The following ZCCHC17 variants were observed in gnomAD, a reference collection of about 807,000 sequenced individuals.
The protein encoded by ZCCHC17 is zinc finger CCHC domain-containing protein 17.
ZCCHC17 carries 18 observed loss-of-function variants against 30.6 expected under a neutral mutation model. The ratio of observed to expected loss-of-function variants is 0.59; its 90% CI spans 0.41 to 0.87. The LOEUF (loss-of-function observed/expected upper bound fraction) is 0.87, where lower values mean the gene tolerates loss of function less well. Ranked by LOEUF, ZCCHC17 falls within the 40% of genes least tolerant of loss-of-function variation. The pLI, the probability that ZCCHC17 is intolerant of heterozygous loss-of-function variation, is 0.00. For synonymous variants in ZCCHC17, 88 were observed against 92.4 expected (o/e 0.95, Z 0.27); for missense variants, 263 against 284.2 (o/e 0.93, Z 0.54).
intron 2 of ZCCHC17, among the ~76,000 whole-genome samples, chr1:31,311,751 C>T (rs140849723): frequency 0.013 from 2,043 of 152,298 alleles, 45 homozygotes; most frequent in African/African-American, 0.046. Context: ...CTCTTGATAC[C>T]ATTGAATTGG....
intron 7 of ZCCHC17, among the ~76,000 whole-genome samples, chr1:31,362,000 CAG>C (rs980865216): frequency 2.1e-4 from 32 of 152,040 alleles, no homozygotes; most frequent in African/African-American, 7.7e-4. Flanking sequence ...TTAGTAGAGA[CAG>C]GGTTTCACCA....
Position 31,340,478 on chromosome 1 carries a change from C to T in ZCCHC17, c.317+1430C>T, listed in dbSNP as rs1020545742. ...GATTACAGGCATGTGCCACCATGCC[C>T]GGCTAATTTTGTATTTTTAGTAGAG... On this transcript the variant is annotated intron_variant, in intron 5 of 7. Coordinates refer to ENST00000344147, the MANE Select transcript of ZCCHC17 (RefSeq NM_016505.4). 2.4e-4 allele frequency among the ~76,000 whole-genome samples: 36 copies of T among 152,044 alleles called. 1 individual carries two copies. The highest frequency in any genetic ancestry group is 6.5e-4 in the African/African-American group (27 of 41,396).
At chr1:31,318,738 T>C (rs2148426935) in intron 2 of ZCCHC17, among the ~76,000 whole-genome samples, 1 of 152,326 alleles carries the variant, frequency 6.6e-6, no homozygotes, top group African/African-American at 2.4e-5. Context: ...AAAATATAAC[T>C]TTATTACCTG....
intron 1 of ZCCHC17, among the ~76,000 whole-genome samples, chr1:31,307,047 G>A (rs531981821): frequency 2.0e-4 from 30 of 151,904 alleles, no homozygotes; most frequent in African/African-American, 6.0e-4. Flanking sequence ...TATGTTGGCC[G>A]GGATGGTCTC....
chr1:31,336,204 C>A (rs1638812476), intron 3 of ZCCHC17, among the ~76,000 whole-genome samples: 1 of 152,086 alleles, frequency 6.6e-6, no homozygotes, highest in African/African-American at 2.4e-5. Context: ...TCTTGAGTAG[C>A]TGGGATCACA....
chr1:31,354,440 A>G (rs1437778123), intron 7 of ZCCHC17, among the ~76,000 whole-genome samples: 6 of 151,914 alleles, frequency 3.9e-5, no homozygotes. Context: ...GTCTTGCTGT[A>G]TCACCCAGGC....
intron 4 of ZCCHC17, among the ~76,000 whole-genome samples, chr1:31,338,308 T>C (rs1386237723): frequency 2.0e-5 from 3 of 151,978 alleles, no homozygotes. Context: ...ATAAAATAAT[T>C]GCAAGTTATA....
intron 2 of ZCCHC17, among the ~76,000 whole-genome samples, chr1:31,315,253 A>C (rs1038367909): frequency 2.6e-5 from 4 of 152,134 alleles, no homozygotes; most frequent in Admixed American, 2.0e-4. Context: ...TATCTTGTAC[A>C]TAGTAGATAG....
intron 3 of ZCCHC17, among the ~76,000 whole-genome samples, chr1:31,331,957 G>A (rs1638611408): frequency 6.6e-6 from 1 of 151,974 alleles, no homozygotes; most frequent in African/African-American, 2.4e-5. Flanking sequence ...AACCTTCATG[G>A]ACAAAAAAAG....
chr1:31,359,616 G>GC (rs367997560), intron 7 of ZCCHC17, among the ~76,000 whole-genome samples: 1 of 151,984 alleles, frequency 6.6e-6, no homozygotes, highest in Non-Finnish European at 1.5e-5. Context: ...TTTTATTTTT[G>GC]TTTTTCTGTC....
intron 2 of ZCCHC17, chr1:31,318,314 G>A (rs2148426399): frequency 5.7e-6 from 7 of 1,226,934 alleles, no homozygotes; most frequent in South Asian, 1.4e-5. Flanking sequence ...CATTACCCTC[G>A]ATCCACAGGT....
chr1:31,338,611 A>G (rs1638913592), intron 4 of ZCCHC17, among the ~76,000 whole-genome samples: 1 of 152,214 alleles, frequency 6.6e-6, no homozygotes, highest in Non-Finnish European at 1.5e-5. Flanking sequence ...AAGTATTCAA[A>G]AACCTATTCT....
At chr1:31,328,051 A>G (rs1479789139) in intron 3 of ZCCHC17, among the ~76,000 whole-genome samples, 1 of 152,196 alleles carries the variant, frequency 6.6e-6, no homozygotes, top group Non-Finnish European at 1.5e-5. Flanking sequence ...GCTAAGATCT[A>G]CCCTAAGAAT....
chr1:31,348,430 G>A (rs1034016566), intron 6 of ZCCHC17, among the ~76,000 whole-genome samples: 3 of 152,082 alleles, frequency 2.0e-5, no homozygotes, highest in Non-Finnish European at 4.4e-5. Context: ...ATTCCTTTAG[G>A]GCTTGGCCTG....
chr1:31,316,335 C>A (rs1281360569), intron 2 of ZCCHC17, among the ~76,000 whole-genome samples: 1 of 152,146 alleles, frequency 6.6e-6, no homozygotes, highest in Non-Finnish European at 1.5e-5. Context: ...CTCCTGGCCT[C>A]AAGTGATCCA....
At chr1:31,319,524 G>A (rs1040090743) in intron 3 of ZCCHC17, among the ~76,000 whole-genome samples, 9 of 152,102 alleles carry the variant, frequency 5.9e-5, no homozygotes, top group African/African-American at 1.9e-4. Flanking sequence ...AGTAGATAGC[G>A]CATGAAATGG....
At chr1:31,319,708 G>A (rs1347999140) in intron 3 of ZCCHC17, among the ~76,000 whole-genome samples, 1 of 152,044 alleles carries the variant, frequency 6.6e-6, no homozygotes, top group African/African-American at 2.4e-5. Context: ...CCGGTTGTCT[G>A]CCCAGAGTGA....
chr1:31,331,511 T>C (rs1395622656), intron 3 of ZCCHC17, among the ~76,000 whole-genome samples: 1 of 152,116 alleles, frequency 6.6e-6, no homozygotes, highest in East Asian at 1.9e-4. Context: ...GCTTAAAACA[T>C]GGTAAACATA....
At chr1:31,336,832 G>A (rs1638837075) in intron 3 of ZCCHC17, among the ~76,000 whole-genome samples, 1 of 144,172 alleles carries the variant, frequency 6.9e-6, no homozygotes, top group African/African-American at 2.6e-5. Context: ...GCCTGGCCAG[G>A]TTTTTTTTTT....
Sources: allele counts gnomAD v4.1 joint callset (sites outside exome capture counted in the v4.1 genomes callset), GRCh38; gene constraint gnomAD v4.1.1; transcripts MANE v1.5; gene names NCBI Gene and HGNC (gene_info 2026-07-23, HGNC 2026-07-21).